TOX2: variants seen among roughly 807,000 people sequenced by gnomAD.
TOX2 encodes TOX high mobility group box family member 2.
A neutral mutation model predicts 47.4 loss-of-function variants in TOX2; 15 were observed. The observed-to-expected ratio is 0.32, with a 90% CI of 0.21 to 0.49. The LOEUF (loss-of-function observed/expected upper bound fraction) is 0.49. TOX2 is among the 20% of genes least tolerant of loss of function. TOX2 has a pLI of 0.99. For synonymous variants in TOX2, 290 were observed against 296.6 expected, an observed-to-expected ratio of 0.98 and a Z score of 0.23; for missense variants, 622 against 673.1, an observed-to-expected ratio of 0.92 and a Z score of 0.84.
At chr20:44,049,192 C>A (rs1235941455) in intron 3 of TOX2, among the ~76,000 whole-genome samples, 3 of 152,102 alleles carry the variant, frequency 2.0e-5, no homozygotes, top group Non-Finnish European at 2.9e-5. Flanking sequence ...AAATTGCAGG[C>A]AATCTGGACA....
intron 4 of TOX2, among the ~76,000 whole-genome samples, chr20:44,053,631 TATATACAC>T (rs923505203): frequency 2.0e-5 from 3 of 149,358 alleles, no homozygotes; most frequent in East Asian, 1.9e-4. Context: ...CACACACACG[TATATACAC>T]ATATACACAC....
chr20:43,948,437 C>A (rs1457548865), intron 1 of TOX2, among the ~76,000 whole-genome samples: 1 of 152,348 alleles, frequency 6.6e-6, no homozygotes, highest in East Asian at 1.9e-4. Flanking sequence ...GCAGGATGAG[C>A]TTCATGTTTG....
chr20:43,923,372 C>A (rs1173664639), intron 1 of TOX2, among the ~76,000 whole-genome samples: 1 of 152,208 alleles, frequency 6.6e-6, no homozygotes, highest in Admixed American at 6.5e-5. Context: ...CCCAGTAGCC[C>A]ATGATAGATA....
intron 2 of TOX2, among the ~76,000 whole-genome samples, chr20:43,995,912 T>C (rs1481210070): frequency 1.3e-5 from 2 of 152,222 alleles, no homozygotes; most frequent in African/African-American, 4.8e-5. Flanking sequence ...CTTTATCCAA[T>C]CTGTCCTTGA....
intron 2 of TOX2, among the ~76,000 whole-genome samples, chr20:43,994,459 C>CACACAAA (rs769159573): frequency 1.6e-5 from 2 of 127,998 alleles, no homozygotes; most frequent in African/African-American, 5.8e-5. Flanking sequence ...ACCCTGTCTC[C>CACACAAA]AAAAAAAAAA....
At chr20:43,943,648 CA>C (rs374650546) in intron 1 of TOX2, among the ~76,000 whole-genome samples, 6 of 150,712 alleles carry the variant, frequency 4.0e-5, no homozygotes, top group East Asian at 1.9e-4. Flanking sequence ...GAGGGAACAA[CA>C]AAAAAAAAGT....
At chr20:44,066,231 T>C in intron 7 of TOX2, 124 bp downstream of exon 7, 2 of 1,083,000 alleles carry the variant, frequency 1.8e-6, no homozygotes, top group Non-Finnish European at 2.6e-6. Context: ...ACCTGACCTC[T>C]CTGAGCCTCA....
intron 1 of TOX2, among the ~76,000 whole-genome samples, chr20:43,940,317 G>C (rs1328882477): frequency 1.3e-5 from 2 of 151,898 alleles, no homozygotes; most frequent in East Asian, 3.9e-4. Flanking sequence ...CTGGGCTCAA[G>C]TGATCCTCCT....
intron 1 of TOX2, among the ~76,000 whole-genome samples, chr20:43,933,947 T>C (rs1243017596): frequency 1.3e-5 from 2 of 152,060 alleles, no homozygotes; most frequent in African/African-American, 4.8e-5. Flanking sequence ...CGGGCTCCGA[T>C]GTGGACTCTG....
At chr20:43,921,486 G>A (rs1310185434) in intron 1 of TOX2, among the ~76,000 whole-genome samples, 1 of 152,166 alleles carries the variant, frequency 6.6e-6, no homozygotes, top group East Asian at 1.9e-4. Context: ...TCTCCCCTTT[G>A]GAGCTTGAGG....
At chr20:43,976,036 T>C (rs1451539915) in intron 2 of TOX2, among the ~76,000 whole-genome samples, 2 of 152,256 alleles carry the variant, frequency 1.3e-5, no homozygotes, top group Non-Finnish European at 2.9e-5. Context: ...GAAGAAGATA[T>C]CAAAATTCTC....
chr20:43,985,834 TGCTTAGA>T (rs2070254526), intron 2 of TOX2, among the ~76,000 whole-genome samples: 1 of 151,350 alleles, frequency 6.6e-6, no homozygotes, highest in South Asian at 2.1e-4. Context: ...GTTGGGAGGG[TGCTTAGA>T]GCAGAGTGAG....
At chr20:44,059,214 G>A (rs923949947) in intron 5 of TOX2, among the ~76,000 whole-genome samples, 6 of 152,176 alleles carry the variant, frequency 3.9e-5, no homozygotes, top group Admixed American at 3.9e-4. Context: ...CACACTTAGA[G>A]AAATGCAAAA....
At chr20:43,953,627 T>G (rs930936288) in intron 1 of TOX2, among the ~76,000 whole-genome samples, 31 of 152,196 alleles carry the variant, frequency 2.0e-4, no homozygotes, top group African/African-American at 7.2e-4. Context: ...GGCCCTGGCA[T>G]GCCCCAGGAG....
At chr20:44,034,228 G>T (rs1197161610) in intron 3 of TOX2, among the ~76,000 whole-genome samples, 1 of 151,948 alleles carries the variant, frequency 6.6e-6, no homozygotes, top group African/African-American at 2.4e-5. Flanking sequence ...CAGACTTCAA[G>T]AGTCAGTTCA....
At position 43,916,418 on chromosome 20, in the gene TOX2, G is replaced by T. The variant is rs1331572548; in HGVS notation, c.99+1428G>T. ...AAAGCCTCCCTGCAGTTCGCCAGGG[G>T]CAGCAAGCATCCAGGCCACTAGGGC... On this transcript the variant is annotated intron_variant, in intron 1 of 8. Coordinates refer to ENST00000341197, the MANE Select transcript of TOX2 (RefSeq NM_001098797.2). This position sits in a 1 kb window ranked among gnomAD's most constrained non-coding sequence, Gnocchi z 5.0. Among the ~76,000 whole-genome samples the T allele has an allele frequency of 6.6e-6, 1 of 152,236 alleles. No individual in the cohort carries two copies. The highest frequency in any genetic ancestry group is 2.1e-4 in the South Asian group (1 of 4,836).
chr20:43,914,852 A>G lies in TOX2; in HGVS notation c.-40A>G, dbSNP rs1229663197. ...GCTCCCACCCGCCGCCCGCCCAGGC[A>G]CTGCCCGCGGGAGCCGCCGCCGCCG... is the stretch of plus-strand genomic sequence containing the variant. On this transcript the variant is annotated 5_prime_UTR_variant, in exon 1 of 9. Transcript: ENST00000341197. The surrounding 1 kb of genome is among the most constrained non-coding windows in gnomAD (Gnocchi z 4.5). 2.3e-6 allele frequency: 2 copies of G among 886,066 alleles called. No individual in the cohort carries two copies. Among genetic ancestry groups the G allele is most frequent in the Non-Finnish European group, 1.3e-6 (1 of 741,174 alleles). The allele number at this position is 886,066 out of a possible 1,614,324, so 54.9% of individuals were successfully genotyped here.
intron 1 of TOX2, among the ~76,000 whole-genome samples, chr20:43,930,509 G>A (rs4812766): frequency 0.11 from 17,144 of 152,170 alleles, 1,110 homozygotes; most frequent in East Asian, 0.25. Flanking sequence ...TGACCCTTTG[G>A]GGCAAGGCTG....
chr20:44,030,030 T>C (rs1212063012), intron 3 of TOX2, among the ~76,000 whole-genome samples: 1 of 152,194 alleles, frequency 6.6e-6, no homozygotes, highest in African/African-American at 2.4e-5. Flanking sequence ...TCCACGCTCA[T>C]GGCTGGGTAC....
Sources: allele counts gnomAD v4.1 joint callset (sites outside exome capture counted in the v4.1 genomes callset), GRCh38; gene constraint gnomAD v4.1.1; non-coding constraint Gnocchi (gnomAD v3.1); transcripts MANE v1.5; gene names NCBI Gene and HGNC (gene_info 2026-07-23, HGNC 2026-07-21).